MLLT3: variants seen among roughly 807,000 people sequenced by gnomAD.
The protein encoded by MLLT3 is protein AF-9.
Under a neutral mutation model 53.2 loss-of-function variants are expected in MLLT3, and 4 were observed. The observed-to-expected ratio is 0.08, with a 90% CI of 0.04 to 0.17. MLLT3 has a LOEUF of 0.17. Among genes scored for constraint, MLLT3 ranks in the 10% least tolerant of loss-of-function variants. The pLI is 1.00. For synonymous variants in MLLT3, 283 were observed against 230.6 expected, an observed-to-expected ratio of 1.23 and a Z score of -2.06; for missense variants, 569 against 684.0, an observed-to-expected ratio of 0.83 and a Z score of 1.87.
intron 2 of MLLT3, among the ~76,000 whole-genome samples, chr9:20,548,706 C>A (rs968689794): frequency 6.6e-6 from 1 of 152,092 alleles, no homozygotes; most frequent in African/African-American, 2.4e-5. Context: ...AAAAAGGCAG[C>A]AAGGAGCTGC....
intron 5 of MLLT3, among the ~76,000 whole-genome samples, chr9:20,375,101 C>T (rs1158597578): frequency 3.9e-5 from 6 of 152,250 alleles, no homozygotes; most frequent in South Asian, 4.1e-4. Context: ...TTTAAAACTG[C>T]GAGAAATAAA....
At chr9:20,533,787 A>G (rs1818405512) in intron 2 of MLLT3, among the ~76,000 whole-genome samples, 1 of 152,260 alleles carries the variant, frequency 6.6e-6, no homozygotes, top group African/African-American at 2.4e-5. Flanking sequence ...GCTAAGTGTA[A>G]TAAGCTAGAC....
chr9:20,424,193 G>T (rs562193097), intron 4 of MLLT3, among the ~76,000 whole-genome samples: 26 of 152,248 alleles, frequency 1.7e-4, no homozygotes, highest in Non-Finnish European at 3.2e-4. Context: ...AGAGGCAACT[G>T]TAATTTATTT....
rs569694637 is a variant in MLLT3, at chr9:20,413,879, C to T, written c.967G>A (p.Asp323Asn). The change falls in exon 5 of 11, where the codon GAC becomes AAC. Residue 323 changes from aspartate to asparagine, a missense_variant. Physicochemically the swap from Asp to Asn is conservative, Grantham distance 23 (BLOSUM62 1). Coordinates refer to ENST00000380338, the MANE Select transcript of MLLT3 (RefSeq NM_004529.4). Reference protein sequence around the residue: ...APPLILTCSADKKQIKDKSHV... With the variant: ...APPLILTCSANKKQIKDKSHV... Reference sequence around the variant, plus strand: ...GATTTATCTTTTATCTGTTTTTTGTCAGCAGAACAAGTGAGTATCAGTGGT... The same window carrying T: ...GATTTATCTTTTATCTGTTTTTTGTTAGCAGAACAAGTGAGTATCAGTGGT... 5 of 1,613,968 alleles carry T rather than the reference C, an allele frequency of 3.1e-6. No homozygotes were observed. In the South Asian group the frequency reaches 5.5e-5, roughly 18 times the overall value.
intron 8 of MLLT3, among the ~76,000 whole-genome samples, chr9:20,359,335 T>A (rs1467841702): frequency 6.6e-6 from 1 of 152,130 alleles, no homozygotes; most frequent in Non-Finnish European, 1.5e-5. Flanking sequence ...AATGCCTGAC[T>A]TGTGGTGGCA....
At chr9:20,427,901 T>G (rs1823175957) in intron 4 of MLLT3, among the ~76,000 whole-genome samples, 1 of 152,116 alleles carries the variant, frequency 6.6e-6, no homozygotes, top group Non-Finnish European at 1.5e-5. Flanking sequence ...TGGTAATTAA[T>G]AATCAAAACT....
chr9:20,598,443 T>C (rs373782947), intron 2 of MLLT3, among the ~76,000 whole-genome samples: 5 of 152,270 alleles, frequency 3.3e-5, no homozygotes, highest in East Asian at 1.9e-4. Context: ...GGAAGAGAAG[T>C]AGGATGTGCA....
At chr9:20,551,761 A>G (rs951009932) in intron 2 of MLLT3, among the ~76,000 whole-genome samples, 2 of 152,208 alleles carry the variant, frequency 1.3e-5, no homozygotes, top group African/African-American at 4.8e-5. Flanking sequence ...ATTTACCTGG[A>G]GGCCCCAAAA....
At chr9:20,562,801 A>T (rs1819248949) in intron 2 of MLLT3, among the ~76,000 whole-genome samples, 1 of 152,192 alleles carries the variant, frequency 6.6e-6, no homozygotes, top group African/African-American at 2.4e-5. Context: ...CAGAAAAATG[A>T]AAGTGTTTCC....
intron 5 of MLLT3, among the ~76,000 whole-genome samples, chr9:20,366,925 G>C (rs571227398): frequency 1.1e-4 from 16 of 152,338 alleles, no homozygotes; most frequent in Middle Eastern, 3.4e-3. Flanking sequence ...TTAAAACATA[G>C]TGGTAATGAG....
chr9:20,529,723 C>G (rs977739438), intron 2 of MLLT3, among the ~76,000 whole-genome samples: 5 of 138,278 alleles, frequency 3.6e-5, no homozygotes, highest in African/African-American at 1.1e-4. Context: ...TTAATCCAAT[C>G]CTTTTTTTTT....
chr9:20,353,495 G>A (rs1821088670), intron 10 of MLLT3, 30 bp downstream of exon 10: 1 of 1,597,104 alleles, frequency 6.3e-7, no homozygotes, highest in Non-Finnish European at 8.6e-7. Context: ...GAAGTTTCTG[G>A]AAAGGGTTGT....
At chr9:20,542,534 G>C (rs1294405541) in intron 2 of MLLT3, among the ~76,000 whole-genome samples, 2 of 152,222 alleles carry the variant, frequency 1.3e-5, no homozygotes, top group Admixed American at 6.5e-5. Context: ...ACAGGCGTGA[G>C]CCAGAGCAGT....
intron 2 of MLLT3, among the ~76,000 whole-genome samples, chr9:20,611,753 T>C (rs142864431): frequency 5.6e-4 from 86 of 152,276 alleles, no homozygotes; most frequent in African/African-American, 2.0e-3. Flanking sequence ...TTTTAGAAAT[T>C]CTATCGTAAT....
At chr9:20,471,598 A>G (rs1156922124) in intron 2 of MLLT3, among the ~76,000 whole-genome samples, 3 of 152,096 alleles carry the variant, frequency 2.0e-5, no homozygotes, top group African/African-American at 7.2e-5. Context: ...CCATAAAACA[A>G]TGAAAGCATG....
chr9:20,355,743 A>G (rs1360814362), intron 8 of MLLT3, among the ~76,000 whole-genome samples: 2 of 152,238 alleles, frequency 1.3e-5, no homozygotes, highest in Non-Finnish European at 2.9e-5. Context: ...TGTCTTTTTC[A>G]TTATAACTCA....
chr9:20,600,714 C>T (rs1038418014), intron 2 of MLLT3, among the ~76,000 whole-genome samples: 1 of 152,196 alleles, frequency 6.6e-6, no homozygotes, highest in African/African-American at 2.4e-5. Context: ...AAAGCCAGAA[C>T]TGACTGCCTG....
At chr9:20,533,285 C>A in intron 2 of MLLT3, 1 of 325,014 alleles carries the variant, frequency 3.1e-6, no homozygotes, top group South Asian at 3.2e-5. Context: ...CTGTGGCTCA[C>A]ATTGCCAAGC....
intron 2 of MLLT3, among the ~76,000 whole-genome samples, chr9:20,563,571 C>T (rs1354957523): frequency 2.6e-5 from 4 of 152,100 alleles, no homozygotes; most frequent in Non-Finnish European, 5.9e-5. Flanking sequence ...GCATCTCTAC[C>T]TGCTAAGCAT....
Sources: allele counts gnomAD v4.1 joint callset (sites outside exome capture counted in the v4.1 genomes callset), GRCh38; gene constraint gnomAD v4.1.1; transcripts MANE v1.5; gene names NCBI Gene and HGNC (gene_info 2026-07-23, HGNC 2026-07-21).